The following FSTL4 variants were observed in gnomAD, a reference collection of about 807,000 sequenced individuals.
The protein encoded by FSTL4 is follistatin-related protein 4.
FSTL4 carries 28 observed loss-of-function variants against 78.2 expected under a neutral mutation model. The observed-to-expected ratio is 0.36, with a 90% CI of 0.27 to 0.49. The LOEUF (loss-of-function observed/expected upper bound fraction) is 0.49. FSTL4 is among the 20% of genes least tolerant of loss of function. The pLI is 0.98. For missense variants in FSTL4, 922 were observed against 1,084.9 expected, an observed-to-expected ratio of 0.85 and a Z score of 2.11; for synonymous variants, 422 against 440.5, an observed-to-expected ratio of 0.96 and a Z score of 0.53.
the FSTL4 span, among the ~76,000 whole-genome samples, chr5:133,649,934 A>T: frequency 1.3e-5 from 2 of 152,052 alleles, no homozygotes; most frequent in Non-Finnish European, 2.9e-5. Flanking sequence ...ATCACAAAAA[A>T]AAAAAGGTTT....
At chr5:133,260,442 T>C (rs1752491160) in intron 6 of FSTL4, among the ~76,000 whole-genome samples, 1 of 152,254 alleles carries the variant, frequency 6.6e-6, no homozygotes, top group Admixed American at 6.5e-5. Context: ...TTGTTTTTGA[T>C]TCCAATTTCC....
intron 2 of FSTL4, among the ~76,000 whole-genome samples, chr5:133,599,921 G>T (rs1446514078): frequency 6.6e-6 from 1 of 152,216 alleles, no homozygotes; most frequent in African/African-American, 2.4e-5. Context: ...TCAAAAGCAG[G>T]TATGCTCTCT....
chr5:133,606,773 A>C (rs772708680), intron 1 of FSTL4, among the ~76,000 whole-genome samples: 20 of 152,256 alleles, frequency 1.3e-4, no homozygotes, highest in Non-Finnish European at 2.4e-4. Context: ...GAGTTATGAA[A>C]TACATAAGCC....
At position 133,361,649 on chromosome 5, in the gene FSTL4, A is replaced by C. The variant is rs1755073503; in HGVS notation, c.409+39089T>G. Among the ~76,000 whole-genome samples, 1 of 152,218 alleles carries C rather than the reference A, an allele frequency of 6.6e-6. No individual in the cohort carries two copies. Among genetic ancestry groups the C allele is most frequent in the Non-Finnish European group, 1.5e-5 (1 of 68,040 alleles). ...GTATAGCCATGAGGAAACCCAAAGG[A>C]GGTGTCAAATGCCTTCTAGTCCTGA... On this transcript the variant is annotated intron_variant, in intron 4 of 15. Transcript: ENST00000265342. The surrounding 1 kb of genome is among the most constrained non-coding windows in gnomAD (Gnocchi z 4.3).
intron 3 of FSTL4, among the ~76,000 whole-genome samples, chr5:133,406,291 A>C (rs186219612): frequency 6.6e-6 from 1 of 152,296 alleles, no homozygotes; most frequent in Admixed American, 6.5e-5. Flanking sequence ...TGGCTCCTAA[A>C]GCCCTGCTCC....
chr5:133,372,473 G>A (rs1338861126), intron 4 of FSTL4, among the ~76,000 whole-genome samples: 5 of 151,992 alleles, frequency 3.3e-5, no homozygotes, highest in East Asian at 3.9e-4. Context: ...GCTCCTAGTC[G>A]CCAACCTTCC....
At chr5:133,686,697 G>A in the FSTL4 span, among the ~76,000 whole-genome samples, 5,855 of 152,296 alleles carry the variant, frequency 0.038, 165 homozygotes, top group East Asian at 0.17. Context: ...CAGGTCAGGG[G>A]ATAAGGGAAA....
At chr5:133,222,856 G>C (rs541620130) in intron 11 of FSTL4, among the ~76,000 whole-genome samples, 1 of 152,302 alleles carries the variant, frequency 6.6e-6, no homozygotes, top group African/African-American at 2.4e-5. Flanking sequence ...AGGCCTACTG[G>C]CCTCTTCATT....
the FSTL4 span, among the ~76,000 whole-genome samples, chr5:133,841,482 T>C: frequency 6.6e-6 from 1 of 152,216 alleles, no homozygotes; most frequent in Non-Finnish European, 1.5e-5. Flanking sequence ...GCCCGAGTTC[T>C]TCTAGAAATA....
At chr5:133,625,749 TATATATATTCC>T in the FSTL4 span, among the ~76,000 whole-genome samples, 5 of 89,504 alleles carry the variant, frequency 5.6e-5, no homozygotes, top group Non-Finnish European at 8.1e-5. Flanking sequence ...ATATATTCCA[TATATATATTCC>T]ATATATATTC....
chr5:133,448,544 C>T (rs890039107), intron 3 of FSTL4, among the ~76,000 whole-genome samples: 21 of 152,206 alleles, frequency 1.4e-4, no homozygotes, highest in African/African-American at 4.8e-4. Context: ...AGTTAAAGGG[C>T]GGTAACAACA....
At chr5:133,207,204 C>T (rs887968370) in intron 14 of FSTL4, among the ~76,000 whole-genome samples, 5 of 152,272 alleles carry the variant, frequency 3.3e-5, no homozygotes, top group African/African-American at 4.8e-5. Context: ...CTTGTCTCTT[C>T]GTATATTTTA....
intron 2 of FSTL4, among the ~76,000 whole-genome samples, chr5:133,598,649 A>G (rs419544): frequency 0.093 from 14,156 of 152,100 alleles, 797 homozygotes; most frequent in African/African-American, 0.16. Flanking sequence ...TGGCCCCCAC[A>G]TCAACCAGCA....
intron 10 of FSTL4, 111 bp from the exon 11 acceptor site, chr5:133,224,327 T>C: frequency 1.3e-6 from 1 of 762,066 alleles, no homozygotes; most frequent in Non-Finnish European, 2.3e-6. Context: ...TCCTGGTACC[T>C]AGTCCATCAC....
chr5:133,532,466 C>T (rs530365160), intron 3 of FSTL4, among the ~76,000 whole-genome samples: 6 of 152,256 alleles, frequency 3.9e-5, no homozygotes, highest in Middle Eastern at 6.8e-3. Context: ...TGTAGGCACA[C>T]GGCAAAGCCT....
intron 3 of FSTL4, among the ~76,000 whole-genome samples, chr5:133,498,632 C>T (rs1758421066): frequency 6.6e-6 from 1 of 151,286 alleles, no homozygotes; most frequent in Admixed American, 6.6e-5. Flanking sequence ...GCGGGAGAAT[C>T]ACCTGAACCT....
At chr5:133,677,574 T>A in the FSTL4 span, among the ~76,000 whole-genome samples, 1 of 152,214 alleles carries the variant, frequency 6.6e-6, no homozygotes, top group African/African-American at 2.4e-5. Flanking sequence ...GTGAATAGAC[T>A]TAATTTCTGA....
intron 5 of FSTL4, among the ~76,000 whole-genome samples, 182 bp from the exon 6 acceptor site, chr5:133,312,959 C>T (rs1439540452): frequency 6.6e-6 from 1 of 152,122 alleles, no homozygotes; most frequent in Non-Finnish European, 1.5e-5. Flanking sequence ...AACTGGGGTT[C>T]AGAGAGGGGA....
At chr5:133,772,027 A>G in the FSTL4 span, among the ~76,000 whole-genome samples, 1 of 152,212 alleles carries the variant, frequency 6.6e-6, no homozygotes, top group Admixed American at 6.5e-5. Flanking sequence ...GCTAACATAC[A>G]ATAAATTAAT....
Sources: allele counts gnomAD v4.1 joint callset (sites outside exome capture counted in the v4.1 genomes callset), GRCh38; gene constraint gnomAD v4.1.1; non-coding constraint Gnocchi (gnomAD v3.1); transcripts MANE v1.5; gene names NCBI Gene and HGNC (gene_info 2026-07-23, HGNC 2026-07-21).